NEO1: variants seen among roughly 807,000 people sequenced by gnomAD.
NEO1 encodes neogenin 1, also known as neogenin.
Under a neutral mutation model 159.7 loss-of-function variants are expected in NEO1, and 63 were observed. The ratio of observed to expected loss-of-function variants is 0.39; its 90% CI spans 0.32 to 0.49. The LOEUF is 0.49. Ranked by LOEUF, NEO1 falls within the 20% of genes least tolerant of loss-of-function variation. The pLI, the probability that NEO1 is intolerant of heterozygous loss-of-function variation, is 0.85. For missense variants in NEO1, 1,615 were observed against 1,831.0 expected, an observed-to-expected ratio of 0.88 and a Z score of 2.15; for synonymous variants, 633 against 662.0, an observed-to-expected ratio of 0.96 and a Z score of 0.67.
At chr15:73,226,051 A>G (rs1254920828) in intron 7 of NEO1, among the ~76,000 whole-genome samples, 1 of 152,068 alleles carries the variant, frequency 6.6e-6, no homozygotes, top group Non-Finnish European at 1.5e-5. Flanking sequence ...TCCCTCAAAC[A>G]ACCTTCAGTT....
chr15:73,133,825 T>C (rs1232119157), intron 4 of NEO1, among the ~76,000 whole-genome samples: 1 of 152,166 alleles, frequency 6.6e-6, no homozygotes, highest in Non-Finnish European at 1.5e-5. Flanking sequence ...ACATTATTTC[T>C]CCCAGCCTTT....
chr15:73,116,983 C>A, intron 2 of NEO1, 126 bp downstream of exon 2: 1 of 748,548 alleles, frequency 1.3e-6, no homozygotes, highest in East Asian at 2.7e-5. Flanking sequence ...TAACAGATAT[C>A]AATTGTGCAT....
chr15:73,063,977 A>G (rs1033397378), intron 1 of NEO1, among the ~76,000 whole-genome samples: 13 of 152,222 alleles, frequency 8.5e-5, no homozygotes, highest in African/African-American at 3.1e-4. Context: ...AGTTTGTTCA[A>G]AGCCCGAGAA....
At chr15:73,258,565 C>T (rs1303692788) in intron 13 of NEO1, among the ~76,000 whole-genome samples, 1 of 152,082 alleles carries the variant, frequency 6.6e-6, no homozygotes, top group Non-Finnish European at 1.5e-5. Flanking sequence ...ATTGTGTGGG[C>T]TTCAGTCTTT....
intron 1 of NEO1, among the ~76,000 whole-genome samples, chr15:73,065,151 T>C (rs949067409): frequency 6.6e-6 from 1 of 152,182 alleles, no homozygotes; most frequent in Non-Finnish European, 1.5e-5. Flanking sequence ...TTAATGTTAT[T>C]ATGTTATTGT....
chr15:73,061,190 G>T (rs1055749182), intron 1 of NEO1, among the ~76,000 whole-genome samples: 24 of 152,116 alleles, frequency 1.6e-4, no homozygotes. Context: ...CTTGGGAAAT[G>T]CCCCCTGCAG....
At chr15:73,151,511 G>A (rs1172528471) in intron 5 of NEO1, among the ~76,000 whole-genome samples, 1 of 152,152 alleles carries the variant, frequency 6.6e-6, no homozygotes, top group Non-Finnish European at 1.5e-5. Flanking sequence ...ATTTATGAAG[G>A]AAAGAGGTTT....
In NEO1 at chr15:73,304,817, G is replaced by C. The variant is rs985730024; in HGVS notation, c.*2121G>C. 2.6e-5 allele frequency: 4 copies of C among 152,164 alleles called. No individual in the cohort carries two copies. The highest frequency in any genetic ancestry group is 4.4e-5 in the Non-Finnish European group (3 of 68,038). The allele number at this position is 152,164 out of a possible 1,614,324, so 9.4% of individuals were successfully genotyped here. A position where few individuals can be genotyped will look rare whatever the true frequency, so the allele number is the denominator to read the frequency against. Reference sequence around the variant, plus strand: ...CTGCCACAGAATTGGGGCGGGTGGGGGAGGGGCCTATTTTTAAATAAAATA... The same window carrying C: ...CTGCCACAGAATTGGGGCGGGTGGGCGAGGGGCCTATTTTTAAATAAAATA... On this transcript the variant is annotated 3_prime_UTR_variant, in exon 29 of 29. Coordinates refer to ENST00000261908, the MANE Select transcript of NEO1 (RefSeq NM_002499.4).
chr15:73,221,509 T>G (rs906873745), intron 7 of NEO1, among the ~76,000 whole-genome samples: 2 of 152,222 alleles, frequency 1.3e-5, no homozygotes, highest in African/African-American at 4.8e-5. Context: ...GTCTTTTTGT[T>G]TGTCTGTGCC....
intron 16 of NEO1, among the ~76,000 whole-genome samples, chr15:73,267,390 TTTC>T (rs891853805): frequency 1.3e-5 from 2 of 152,142 alleles, no homozygotes; most frequent in African/African-American, 4.8e-5. Context: ...ATAAATTTTT[TTTC>T]TTTTTTTTAT....
chr15:73,243,072 A>G (rs891117928), intron 8 of NEO1, among the ~76,000 whole-genome samples: 1 of 152,200 alleles, frequency 6.6e-6, no homozygotes, highest in Non-Finnish European at 1.5e-5. Flanking sequence ...CCGAAGAGAA[A>G]ATAGTATTAG....
chr15:73,186,267 C>A (rs187291120), intron 7 of NEO1, among the ~76,000 whole-genome samples: 1 of 151,224 alleles, frequency 6.6e-6, no homozygotes, highest in East Asian at 1.9e-4. Context: ...TGTATTGTTC[C>A]AATTTTAGTA....
intron 5 of NEO1, among the ~76,000 whole-genome samples, chr15:73,142,290 CAGG>C (rs1433594860): frequency 5.3e-5 from 8 of 152,102 alleles, no homozygotes; most frequent in African/African-American, 1.7e-4. Flanking sequence ...TGGCAGAAAA[CAGG>C]AGATGTTGAA....
At chr15:73,277,408 C>G (rs2041470031) in intron 21 of NEO1, among the ~76,000 whole-genome samples, 1 of 152,132 alleles carries the variant, frequency 6.6e-6, no homozygotes, top group Admixed American at 6.5e-5. Flanking sequence ...GATATTTGCA[C>G]TTTCTGAGGC....
chr15:73,263,257 G>A lies in NEO1; in HGVS notation c.2398+2792G>A, dbSNP rs538802216. ...TGCCCAGGCTGGAGGGCAGTGGCGC[G>A]ATCTCAGCTCACTGCAACCTCCACC... On this transcript the variant is annotated intron_variant, in intron 15 of 28. Coordinates refer to ENST00000261908, the MANE Select transcript of NEO1 (RefSeq NM_002499.4). Among the ~76,000 whole-genome samples, 526 of 147,238 alleles carry A rather than the reference G, an allele frequency of 3.6e-3. 4 individuals are homozygous for A. The highest frequency in any genetic ancestry group is 0.012 in the African/African-American group (496 of 39,888).
chr15:73,141,790 T>A (rs1177361542), intron 5 of NEO1, among the ~76,000 whole-genome samples: 1 of 152,246 alleles, frequency 6.6e-6, no homozygotes, highest in Non-Finnish European at 1.5e-5. Flanking sequence ...TCCCTTTACT[T>A]CATGATCAGT....
chr15:73,247,290 A>G (rs2039844599), intron 9 of NEO1, among the ~76,000 whole-genome samples: 1 of 152,228 alleles, frequency 6.6e-6, no homozygotes, highest in African/African-American at 2.4e-5. Flanking sequence ...TCACAAACCA[A>G]CTTAACATTT....
intron 7 of NEO1, among the ~76,000 whole-genome samples, chr15:73,192,411 G>C (rs957131251): frequency 6.6e-6 from 1 of 151,814 alleles, no homozygotes; most frequent in Non-Finnish European, 1.5e-5. Flanking sequence ...TCTCAGACTA[G>C]AGTATGAGGA....
chr15:73,301,164 C>T (rs1177038020), intron 27 of NEO1, among the ~76,000 whole-genome samples, 157 bp from the exon 28 acceptor site: 1 of 152,218 alleles, frequency 6.6e-6, no homozygotes, highest in Non-Finnish European at 1.5e-5. Context: ...TGCTATCTCC[C>T]TCCTTCCCTC....
Sources: allele counts gnomAD v4.1 joint callset (sites outside exome capture counted in the v4.1 genomes callset), GRCh38; gene constraint gnomAD v4.1.1; transcripts MANE v1.5; gene names NCBI Gene and HGNC (gene_info 2026-07-23, HGNC 2026-07-21).